Variants in CSMD1 observed in about 807,000 individuals in gnomAD.
CSMD1 encodes the protein CUB and Sushi multiple domains 1.
Under a neutral mutation model 417.5 loss-of-function variants are expected in CSMD1, and 213 were observed. The ratio of observed to expected loss-of-function variants is 0.51; its 90% CI spans 0.46 to 0.57. The LOEUF is 0.57. Ranked by LOEUF, CSMD1 falls within the 20% of genes least tolerant of loss-of-function variation. CSMD1 has a pLI of 0.00. For synonymous variants in CSMD1, 2,862 were observed against 1,736.8 expected (o/e 1.65, Z -16.11); for missense variants, 6,923 against 4,529.7 (o/e 1.53, Z -15.17).
intron 4 of CSMD1, among the ~76,000 whole-genome samples, chr8:4,018,430 C>A (rs911505883): frequency 1.3e-5 from 2 of 152,154 alleles, no homozygotes; most frequent in Admixed American, 1.3e-4. Context: ...AGTTTGCAAT[C>A]TCTGAGTAGC....
intron 3 of CSMD1, among the ~76,000 whole-genome samples, chr8:4,117,189 G>C (rs1802203979): frequency 6.6e-6 from 1 of 151,810 alleles, no homozygotes; most frequent in Non-Finnish European, 1.5e-5. Context: ...CATCTCGATG[G>C]TTGCTGGAAT....
rs1464762182 is a variant in CSMD1 at position 4,201,817 on chromosome 8, T to C, written c.416-169718A>G. Among the ~76,000 whole-genome samples, 3 of 150,136 alleles carry C rather than the reference T, an allele frequency of 2.0e-5. No homozygotes were observed. The South Asian group carries it at 6.3e-4, about 32-fold the overall frequency. The stretch of plus-strand genomic sequence containing the variant: ...TCCTGCACGACTGCTGTTCAAATTC[T>C]TCAGTGCTCCTTATAGAAGGATCTT... On this transcript the variant is annotated intron_variant, in intron 3 of 69. Transcript: ENST00000635120.
At chr8:4,297,662 GACT>G (rs1797759381) in intron 3 of CSMD1, among the ~76,000 whole-genome samples, 1 of 152,132 alleles carries the variant, frequency 6.6e-6, no homozygotes, top group African/African-American at 2.4e-5. Context: ...TTTGGATTTT[GACT>G]ACTTTCTGCT....
At chr8:4,064,576 C>T (rs1289711400) in intron 3 of CSMD1, among the ~76,000 whole-genome samples, 1 of 152,214 alleles carries the variant, frequency 6.6e-6, no homozygotes, top group African/African-American at 2.4e-5. Flanking sequence ...CTACTTCCAC[C>T]CTGTCATACA....
intron 3 of CSMD1, among the ~76,000 whole-genome samples, chr8:4,323,448 A>G (rs1585231829): frequency 6.6e-6 from 1 of 151,658 alleles, no homozygotes; most frequent in East Asian, 2.0e-4. Context: ...ATTCAAAGTA[A>G]CCATTCACAA....
chr8:3,014,230 T>C (rs376647137), intron 52 of CSMD1, among the ~76,000 whole-genome samples: 2 of 151,218 alleles, frequency 1.3e-5, no homozygotes, highest in South Asian at 4.1e-4. Flanking sequence ...TACTTATGAA[T>C]ATCCATCTCA....
chr8:3,089,441 G>T (rs6982967), intron 48 of CSMD1, among the ~76,000 whole-genome samples: 91,117 of 152,092 alleles, frequency 0.6, 27,399 homozygotes, highest in East Asian at 0.68. Context: ...TTTCTTTGTC[G>T]TTTTTAACTC....
At chr8:4,386,773 T>C (rs1803482899) in intron 3 of CSMD1, among the ~76,000 whole-genome samples, 4 of 152,114 alleles carry the variant, frequency 2.6e-5, no homozygotes, top group Admixed American at 6.5e-5. Context: ...AAACAGTTGG[T>C]TTCAGTTGAA....
At chr8:4,307,825 G>C (rs1055590823) in intron 3 of CSMD1, among the ~76,000 whole-genome samples, 3 of 152,132 alleles carry the variant, frequency 2.0e-5, no homozygotes, top group Non-Finnish European at 4.4e-5. Flanking sequence ...ATTATAATAT[G>C]ATGATTTAAC....
At chr8:3,708,794 C>G (rs1347249691) in intron 6 of CSMD1, among the ~76,000 whole-genome samples, 2 of 152,174 alleles carry the variant, frequency 1.3e-5, no homozygotes, top group Non-Finnish European at 2.9e-5. Flanking sequence ...TTCCACCAAT[C>G]ATTATCATTC....
At chr8:4,051,308 C>CAAAAAAA in intron 3 of CSMD1, among the ~76,000 whole-genome samples, 1 of 140,514 alleles carries the variant, frequency 7.1e-6, no homozygotes. Flanking sequence ...TTTGAAGACT[C>CAAAAAAA]AAAAAAAAAA....
chr8:3,088,843 T>TAAA lies in CSMD1; in HGVS notation c.7286-1561_7286-1559dup, dbSNP rs5888943. On this transcript the variant is annotated intron_variant, in intron 48 of 69. Coordinates refer to ENST00000635120, the MANE Select transcript of CSMD1 (RefSeq NM_033225.6). Reference sequence around the variant, plus strand: ...CAATGGCTTGGAATCACTGTGCTAGTAAAAAAAAAAAAAAAAAAAAGTTAA... The same window carrying TAAA: ...CAATGGCTTGGAATCACTGTGCTAGTAAAAAAAAAAAAAAAAAAAAAAAGTTAA... Among the ~76,000 whole-genome samples the TAAA allele has an allele frequency of 8.2e-3, 934 of 113,972 alleles. 12 individuals are homozygous for TAAA. Among genetic ancestry groups the TAAA allele is most frequent in the African/African-American group, 0.026 (774 of 29,322 alleles). 74.8% of individuals were successfully genotyped at this position (113,972 alleles called of 152,430 possible). A position where few individuals can be genotyped will look rare whatever the true frequency, so the allele number is the denominator to read the frequency against.
intron 33 of CSMD1, 77 bp from the exon 34 acceptor site, chr8:3,190,192 G>A (rs1796328377): frequency 1.8e-6 from 2 of 1,128,644 alleles, no homozygotes; most frequent in Non-Finnish European, 1.3e-6. Context: ...GTGGGTTTAA[G>A]ATGGGACCAA....
chr8:3,189,859 CTT>C (rs1796307428), intron 34 of CSMD1, 51 bp downstream of exon 34: 1 of 1,474,260 alleles, frequency 6.8e-7, no homozygotes, highest in Non-Finnish European at 9.2e-7. Flanking sequence ...AGAAGTAACT[CTT>C]TGGCACCACC....
At chr8:3,380,793 T>C (rs1384865692) in intron 18 of CSMD1, among the ~76,000 whole-genome samples, 1 of 152,108 alleles carries the variant, frequency 6.6e-6, no homozygotes, top group East Asian at 1.9e-4. Flanking sequence ...CTAATGTAGA[T>C]GATGGGTTGT....
At chr8:3,997,329 G>C (rs900629070) in intron 5 of CSMD1, among the ~76,000 whole-genome samples, 2 of 152,028 alleles carry the variant, frequency 1.3e-5, no homozygotes, top group Non-Finnish European at 2.9e-5. Context: ...GTTTTCCTTT[G>C]TCTCTACTGG....
At chr8:3,291,169 T>G (rs1397978982) in intron 25 of CSMD1, among the ~76,000 whole-genome samples, 1 of 152,222 alleles carries the variant, frequency 6.6e-6, no homozygotes, top group Admixed American at 6.5e-5. Context: ...ATCCCAGGGA[T>G]GAAACCCACT....
intron 3 of CSMD1, among the ~76,000 whole-genome samples, chr8:4,199,480 C>A (rs536963707): frequency 6.6e-6 from 1 of 152,142 alleles, no homozygotes; most frequent in African/African-American, 2.4e-5. Context: ...ATTAAAAAGG[C>A]AAATAGGAAT....
intron 2 of CSMD1, among the ~76,000 whole-genome samples, chr8:4,477,577 T>A (rs1800872910): frequency 6.6e-6 from 1 of 152,162 alleles, no homozygotes; most frequent in African/African-American, 2.4e-5. Flanking sequence ...TTTTAAAAAT[T>A]GCGAGTTGAG....
Sources: gnomAD v4.1 joint callset for allele counts (sites outside exome capture counted in the v4.1 genomes callset) on GRCh38, gnomAD v4.1.1 for gene constraint, MANE v1.5 for transcripts, NCBI Gene and HGNC (gene_info 2026-07-23, HGNC 2026-07-21) for gene names.